PTPN13: variants seen among roughly 807,000 people sequenced by gnomAD.
PTPN13 encodes tyrosine-protein phosphatase non-receptor type 13.
A neutral mutation model predicts 284.0 loss-of-function variants in PTPN13; 191 were observed. The ratio of observed to expected loss-of-function variants is 0.67; its 90% CI spans 0.60 to 0.76. PTPN13 has a LOEUF of 0.76. Among genes scored for constraint, PTPN13 ranks in the 30% least tolerant of loss-of-function variants. PTPN13 has a pLI of 0.00. For missense variants in PTPN13, 2,797 were observed against 2,939.9 expected (o/e 0.95, Z 1.12); for synonymous variants, 986 against 1,022.3 (o/e 0.96, Z 0.68).
chr4:86,726,970 A>G lies in PTPN13; in HGVS notation c.1608+4536A>G, dbSNP rs188401709. On this transcript the variant is annotated intron_variant, in intron 10 of 47. Transcript: ENST00000411767. ...GGGTTTGTCGTAAATAGCATTTATT[A>G]TTTTGAAGTAAGTTCCACCAATACC... is the stretch of plus-strand genomic sequence containing the variant. Among the ~76,000 whole-genome samples, 992 of 149,496 alleles carry G rather than the reference A, an allele frequency of 6.6e-3. 52 individuals are homozygous for G. The highest frequency in any genetic ancestry group is 0.022 in the African/African-American group (885 of 41,018).
In PTPN13 at chr4:86,757,762, C is replaced by CAA. The variant is rs542129918; in HGVS notation, c.3224-483_3224-482dup. ...TGAGTAGCAAAGCAAGACTCTGTCT[C>CAA]AAAAAAAAAAAAAAAATCCAGTTTC... On this transcript the variant is annotated intron_variant, in intron 20 of 47. Coordinates refer to ENST00000411767, the MANE Select transcript of PTPN13 (RefSeq NM_080683.3). 4.3e-4 allele frequency among the ~76,000 whole-genome samples: 48 copies of CAA among 112,510 alleles called. 1 individual carries two copies. Among genetic ancestry groups the CAA allele is most frequent in the Admixed American group, 3.9e-3 (43 of 10,896 alleles). The allele number at this position is 112,510 out of a possible 152,430, so 73.8% of individuals were successfully genotyped here. A position where few individuals can be genotyped will look rare whatever the true frequency, so the allele number is the denominator to read the frequency against.
chr4:86,657,532 G>T (rs1301311027), intron 2 of PTPN13, among the ~76,000 whole-genome samples: 3 of 152,162 alleles, frequency 2.0e-5, no homozygotes, highest in Non-Finnish European at 4.4e-5. Context: ...TTGAGGGAGA[G>T]GTGACACAGA....
chr4:86,694,422 A>G (rs1399539604), intron 6 of PTPN13, among the ~76,000 whole-genome samples: 1 of 151,752 alleles, frequency 6.6e-6, no homozygotes, highest in East Asian at 1.9e-4. Context: ...CTCTCTAAAA[A>G]TACAAAAATT....
At chr4:86,722,051 T>C (rs1254075257) in intron 9 of PTPN13, among the ~76,000 whole-genome samples, 161 bp from the exon 10 acceptor site, 2 of 152,062 alleles carry the variant, frequency 1.3e-5, no homozygotes, top group Non-Finnish European at 2.9e-5. Flanking sequence ...CCAGCCTATA[T>C]ATTTCTTCAT....
At chr4:86,772,364 G>A (rs559595711) in intron 31 of PTPN13, among the ~76,000 whole-genome samples, 1 of 152,172 alleles carries the variant, frequency 6.6e-6, no homozygotes, top group South Asian at 2.1e-4. Context: ...GACCAGCCTG[G>A]GCAACATGGC....
At chr4:86,632,940 G>A (rs1722620523) in intron 1 of PTPN13, among the ~76,000 whole-genome samples, 1 of 151,736 alleles carries the variant, frequency 6.6e-6, no homozygotes, top group Non-Finnish European at 1.5e-5. Context: ...TCCTTAATAG[G>A]TAGGACTACA....
Position 86,803,791 on chromosome 4 carries a change from C to T in PTPN13, c.6588C>T (p.Asn2196=), listed in dbSNP as rs1744339819. 6.2e-7 allele frequency: 1 copy of T among 1,613,966 alleles called. No homozygotes were observed. The highest frequency in any genetic ancestry group is 8.5e-7 in the Non-Finnish European group (1 of 1,179,872). ...VLPSGKYTGA[N]LKSVIRVLRG... is the part of the protein sequence containing the mutation. Reference sequence around the variant, plus strand: ...CCTCTGGTAAATACACGGGTGCCAACTTAAAATCAGTCATTCGAGTCCTGC... The same window carrying T: ...CCTCTGGTAAATACACGGGTGCCAATTTAAAATCAGTCATTCGAGTCCTGC... Residue 2196 remains asparagine, a synonymous_variant, in exon 43 of 48, where the codon AAC becomes AAT. Transcript: ENST00000411767.
intron 42 of PTPN13, among the ~76,000 whole-genome samples, chr4:86,803,251 T>A (rs1205052869): frequency 6.7e-6 from 1 of 150,294 alleles, no homozygotes; most frequent in Non-Finnish European, 1.5e-5. Flanking sequence ...ATATATAGAA[T>A]ATACACACAC....
chr4:86,634,269 T>C (rs1255862850), intron 1 of PTPN13, among the ~76,000 whole-genome samples: 1 of 152,222 alleles, frequency 6.6e-6, no homozygotes, highest in East Asian at 1.9e-4. Flanking sequence ...ATATATGTTA[T>C]GCTTAAATTG....
At chr4:86,661,451 A>G (rs1157280752) in intron 2 of PTPN13, among the ~76,000 whole-genome samples, 13 of 152,202 alleles carry the variant, frequency 8.5e-5, no homozygotes, top group Admixed American at 7.2e-4. Context: ...CATAGTTAGC[A>G]TTTTTATAAG....
At chr4:86,760,419 C>G (rs891981602) in intron 23 of PTPN13, among the ~76,000 whole-genome samples, 2 of 152,094 alleles carry the variant, frequency 1.3e-5, no homozygotes, top group African/African-American at 2.4e-5. Context: ...ATTTATTGCC[C>G]CCTGAATAAA....
chr4:86,620,840 A>G (rs1721146756), intron 1 of PTPN13, among the ~76,000 whole-genome samples: 2 of 152,192 alleles, frequency 1.3e-5, no homozygotes, highest in South Asian at 4.1e-4. Flanking sequence ...GGAATTATAG[A>G]AGTGATTTTA....
intron 6 of PTPN13, among the ~76,000 whole-genome samples, chr4:86,694,642 T>C (rs1387233487): frequency 7.0e-6 from 1 of 143,148 alleles, no homozygotes; most frequent in Non-Finnish European, 1.5e-5. Flanking sequence ...AAAGTAAATA[T>C]AATTTTATGT....
At chr4:86,743,148 C>G (rs779435844) in intron 16 of PTPN13, among the ~76,000 whole-genome samples, 9 of 152,090 alleles carry the variant, frequency 5.9e-5, no homozygotes, top group Non-Finnish European at 1.2e-4. Flanking sequence ...CATTTCTTAT[C>G]CAGTCCATCC....
intron 16 of PTPN13, 70 bp downstream of exon 16, chr4:86,741,886 C>G: frequency 7.4e-7 from 1 of 1,357,508 alleles, no homozygotes. Context: ...AACATATTAA[C>G]AGACTTTCCT....
intron 42 of PTPN13, among the ~76,000 whole-genome samples, chr4:86,801,030 A>T (rs1055228924): frequency 1.3e-5 from 2 of 152,194 alleles, no homozygotes; most frequent in African/African-American, 4.8e-5. Context: ...AAAATGCTTT[A>T]ATCAGCTGAT....
At chr4:86,785,454 T>C in intron 39 of PTPN13, 86 bp downstream of exon 39, 1 of 1,144,938 alleles carries the variant, frequency 8.7e-7, no homozygotes, top group South Asian at 1.7e-5. Flanking sequence ...ATGTAATGCA[T>C]TAGTTCTTCT....
chr4:86,807,555 C>A lies in PTPN13; in HGVS notation c.6746-5C>A. ...TGGCTCTGTTTTGTGGTGGAAAATTCACAGATGATGCTACAAGAGTGCCTC... is the reference window on the plus strand; with the variant it reads ...TGGCTCTGTTTTGTGGTGGAAAATTAACAGATGATGCTACAAGAGTGCCTC... On this transcript the variant is annotated splice_region_variant and splice_polypyrimidine_tract_variant and intron_variant, in intron 44 of 47. Coordinates refer to ENST00000411767, the MANE Select transcript of PTPN13 (RefSeq NM_080683.3). 1 of 1,590,460 alleles carries A rather than the reference C, an allele frequency of 6.3e-7. No homozygotes were observed. Among genetic ancestry groups the A allele is most frequent in the South Asian group, 1.1e-5 (1 of 87,936 alleles).
chr4:86,739,314 A>G (rs1735888722), intron 15 of PTPN13, among the ~76,000 whole-genome samples: 1 of 152,232 alleles, frequency 6.6e-6, no homozygotes, highest in African/African-American at 2.4e-5. Context: ...TGATAAAGAC[A>G]TATACCCGAG....
Sources: allele counts gnomAD v4.1 joint callset (sites outside exome capture counted in the v4.1 genomes callset), GRCh38; gene constraint gnomAD v4.1.1; transcripts MANE v1.5; gene names NCBI Gene and HGNC (gene_info 2026-07-23, HGNC 2026-07-21).